Variants in NKAIN3 observed in about 807,000 individuals in gnomAD.
NKAIN3 encodes the protein sodium/potassium-transporting ATPase subunit beta-1-interacting protein 3.
In NKAIN3, 25 loss-of-function variants were observed where a neutral mutation model predicts 30.2. The ratio of observed to expected loss-of-function variants is 0.83; its 90% confidence interval spans 0.60 to 1.16. The LOEUF is 1.16. NKAIN3 is among the 50% of genes most tolerant of loss of function. The probability of loss-of-function intolerance (pLI) is 0.00; values close to 1 mark genes in which losing one functional copy is unlikely to be tolerated. For missense variants in NKAIN3, 225 were observed against 254.1 expected, an observed-to-expected ratio of 0.89 and a Z score of 0.78; for synonymous variants, 91 against 89.6, an observed-to-expected ratio of 1.02 and a Z score of -0.09.
intron 4 of NKAIN3, among the ~76,000 whole-genome samples, chr8:62,758,128 A>C (rs1478425993): frequency 4.2e-4 from 64 of 152,146 alleles, no homozygotes; most frequent in Non-Finnish European, 8.8e-5. Flanking sequence ...CTTCTTGGAG[A>C]TTCACTATGT....
At chr8:62,896,549 C>T (rs547967727) in intron 4 of NKAIN3, among the ~76,000 whole-genome samples, 19 of 152,282 alleles carry the variant, frequency 1.2e-4, no homozygotes, top group South Asian at 1.2e-3. Flanking sequence ...TGATGGTTCT[C>T]TTTTACCCAA....
At chr8:62,800,364 A>G (rs1818015361) in intron 4 of NKAIN3, among the ~76,000 whole-genome samples, 1 of 152,136 alleles carries the variant, frequency 6.6e-6, no homozygotes. Flanking sequence ...TTTGTGATAC[A>G]AAGTATTCTA....
chr8:62,728,591 G>C (rs868107047), intron 3 of NKAIN3, among the ~76,000 whole-genome samples: 22 of 152,228 alleles, frequency 1.4e-4, no homozygotes, highest in Middle Eastern at 3.4e-3. Flanking sequence ...CTTGAACCCA[G>C]GAGGCGGAGG....
At chr8:62,468,655 C>A (rs775226211) in intron 1 of NKAIN3, among the ~76,000 whole-genome samples, 3 of 152,146 alleles carry the variant, frequency 2.0e-5, no homozygotes, top group Non-Finnish European at 4.4e-5. Flanking sequence ...AAAAATATTC[C>A]AAATTTAGTA....
At chr8:62,680,685 GA>G (rs1227697586) in intron 3 of NKAIN3, among the ~76,000 whole-genome samples, 1 of 152,032 alleles carries the variant, frequency 6.6e-6, no homozygotes, top group Admixed American at 6.6e-5. Context: ...ATTCAGTAAA[GA>G]AAAATGTAAT....
chr8:62,975,423 T>C lies in NKAIN3; in HGVS notation c.*10016T>C, dbSNP rs1823920160. Among the ~76,000 whole-genome samples, 1 of 152,220 alleles carries C rather than the reference T, an allele frequency of 6.6e-6. No individual in the cohort carries two copies. The highest frequency in any genetic ancestry group is 6.5e-5 in the Admixed American group (1 of 15,286). On this transcript the variant is annotated 3_prime_UTR_variant, in exon 7 of 7. Transcript: ENST00000623646. ...GAATGTGTCCAGGAATTTATCCATT[T>C]CTTCTAAATTTTTTAGTTTATTTGG...
At chr8:62,291,661 G>A (rs1295289365) in intron 1 of NKAIN3, among the ~76,000 whole-genome samples, 1 of 152,208 alleles carries the variant, frequency 6.6e-6, no homozygotes, top group Non-Finnish European at 1.5e-5. Context: ...TTCGAACTAT[G>A]TGGTCAATTT....
rs118086836 is a variant in NKAIN3, at chr8:62,848,280, C to T, written c.472-70173C>T. Among the ~76,000 whole-genome samples the T allele has an allele frequency of 6.0e-3, 912 of 152,258 alleles. 7 individuals are homozygous for T. The highest frequency in any genetic ancestry group is 0.017 in the Middle Eastern group (5 of 294). On this transcript the variant is annotated intron_variant, in intron 4 of 6. Transcript: ENST00000623646. ...TTGCTTTGGGCAGTATGGCCGTTTT[C>T]ACGATATTGATTCTATCCACGAGCA...
intron 1 of NKAIN3, among the ~76,000 whole-genome samples, chr8:62,514,217 C>G (rs1807911961): frequency 6.6e-6 from 1 of 152,110 alleles, no homozygotes; most frequent in African/African-American, 2.4e-5. Context: ...CACTCATGCT[C>G]AGCATCAGAG....
At chr8:62,931,805 T>C (rs189709015) in intron 5 of NKAIN3, among the ~76,000 whole-genome samples, 1 of 152,332 alleles carries the variant, frequency 6.6e-6, no homozygotes, top group African/African-American at 2.4e-5. Context: ...GGTTTAATAA[T>C]TGTTAGCCCT....
chr8:62,800,288 C>T (rs1818013035), intron 4 of NKAIN3, among the ~76,000 whole-genome samples: 1 of 152,128 alleles, frequency 6.6e-6, no homozygotes, highest in Non-Finnish European at 1.5e-5. Context: ...TTTGTATATG[C>T]CAGTGGTTGA....
chr8:62,895,274 A>C (rs571230791), intron 4 of NKAIN3, among the ~76,000 whole-genome samples: 1 of 152,338 alleles, frequency 6.6e-6, no homozygotes, highest in South Asian at 2.1e-4. Flanking sequence ...CCAAAACCAA[A>C]GGCCAAAGGC....
chr8:62,361,403 G>A (rs1406636574), intron 1 of NKAIN3, among the ~76,000 whole-genome samples: 7 of 152,224 alleles, frequency 4.6e-5, no homozygotes, highest in South Asian at 4.1e-4. Flanking sequence ...CACTAATAGC[G>A]TAAGCTCTGT....
intron 2 of NKAIN3, among the ~76,000 whole-genome samples, chr8:62,580,457 C>A (rs1810255081): frequency 1.3e-5 from 2 of 152,056 alleles, no homozygotes; most frequent in South Asian, 4.1e-4. Context: ...TTAAAATGTT[C>A]ATTAAGCCTG....
chr8:62,340,170 A>C (rs1295156408), intron 1 of NKAIN3, among the ~76,000 whole-genome samples: 1 of 152,086 alleles, frequency 6.6e-6, no homozygotes, highest in Non-Finnish European at 1.5e-5. Flanking sequence ...GGTTTGATGA[A>C]GAATAGTCAT....
Position 62,549,479 on chromosome 8 carries a change from A to C in NKAIN3, c.55-30060A>C, listed in dbSNP as rs150818235. Among the ~76,000 whole-genome samples, 20 of 152,280 alleles carry C rather than the reference A, an allele frequency of 1.3e-4. No individual in the cohort carries two copies. The East Asian group carries it at 3.7e-3, about 28-fold the overall frequency. ...TCTGCTTAAAACTGAAAAATTTAAA[A>C]AGGTTTTCCCATAAAACCAGCTAGT... On this transcript the variant is annotated intron_variant, in intron 1 of 6. Coordinates refer to ENST00000623646, the MANE Select transcript of NKAIN3 (RefSeq NM_001304533.3).
chr8:62,293,378 T>C (rs1013730966), intron 1 of NKAIN3, among the ~76,000 whole-genome samples: 1 of 152,194 alleles, frequency 6.6e-6, no homozygotes, highest in African/African-American at 2.4e-5. Context: ...TTATCTACCT[T>C]TGGTCTTTGA....
chr8:62,765,808 T>A (rs1389109679), intron 4 of NKAIN3, among the ~76,000 whole-genome samples: 1 of 149,094 alleles, frequency 6.7e-6, no homozygotes, highest in South Asian at 2.1e-4. Flanking sequence ...TATAAATGAA[T>A]TTTTTTCATC....
intron 5 of NKAIN3, among the ~76,000 whole-genome samples, chr8:62,930,426 G>T (rs1043097359): frequency 6.6e-5 from 10 of 151,458 alleles, no homozygotes; most frequent in Admixed American, 3.3e-4. Context: ...GCTAATTTTT[G>T]TATTTTTAGT....
Sources: gnomAD v4.1 joint callset for allele counts (sites outside exome capture counted in the v4.1 genomes callset) on GRCh38, gnomAD v4.1.1 for gene constraint, MANE v1.5 for transcripts, NCBI Gene and HGNC (gene_info 2026-07-23, HGNC 2026-07-21) for gene names.